Variants in TBC1D23 observed in about 807,000 individuals in gnomAD.
The protein encoded by TBC1D23 is TBC1 domain family member 23.
TBC1D23 carries 55 observed loss-of-function variants against 91.4 expected under a neutral mutation model. The ratio of observed to expected loss-of-function variants is 0.60; its 90% CI spans 0.48 to 0.75. The LOEUF is 0.75. Among genes scored for constraint, TBC1D23 ranks in the 30% least tolerant of loss-of-function variants. The pLI, the probability that TBC1D23 is intolerant of heterozygous loss-of-function variation, is 0.00. For synonymous variants in TBC1D23, 289 were observed against 281.0 expected, an observed-to-expected ratio of 1.03 and a Z score of -0.28; for missense variants, 725 against 836.1, an observed-to-expected ratio of 0.87 and a Z score of 1.64.
intron 2 of TBC1D23, among the ~76,000 whole-genome samples, chr3:100,280,356 G>C (rs2067684281): frequency 6.6e-6 from 1 of 152,170 alleles, no homozygotes; most frequent in Non-Finnish European, 1.5e-5. Context: ...AAAAAAGGAA[G>C]TATGCCTCTG....
Position 100,320,966 on chromosome 3 carries a change from C to T in TBC1D23, c.2013C>T (p.Ile671=), listed in dbSNP as rs111649998. Reference sequence around the variant, plus strand: ...CTTCAGGAATAGAAATCTTGGCAATCGAAAGGTAAGATTTTCCTTAAGATA... The same window carrying T: ...CTTCAGGAATAGAAATCTTGGCAATTGAAAGGTAAGATTTTCCTTAAGATA... ...SSASGIEILA[I]ERYLIPNAGD... is the part of the protein sequence containing the mutation. Residue 671 remains isoleucine (I), a synonymous_variant, in exon 18 of 19, where the codon ATC becomes ATT. Coordinates refer to ENST00000394144, the MANE Select transcript of TBC1D23 (RefSeq NM_001199198.3). The T allele has an allele frequency of 3.3e-5, 53 of 1,590,684 alleles. No homozygotes were observed. The highest frequency in any genetic ancestry group is 4.5e-5 in the Non-Finnish European group (53 of 1,170,350).
chr3:100,284,214 T>A (rs2067720988), intron 4 of TBC1D23, among the ~76,000 whole-genome samples: 1 of 152,178 alleles, frequency 6.6e-6, no homozygotes, highest in Non-Finnish European at 1.5e-5. Context: ...GAGGGGAAAT[T>A]GGGAATATGA....
At position 100,295,389 on chromosome 3, in the gene TBC1D23, TTATC is replaced by T. The variant is rs1408250747; in HGVS notation, c.772+43_772+46del. The T allele has an allele frequency of 2.6e-6, 4 of 1,519,740 alleles. No individual in the cohort carries two copies. The East Asian group carries it at 6.8e-5, about 26-fold the overall frequency. The allele number at this position is 1,519,740 out of a possible 1,614,324, so 94.1% of individuals were successfully genotyped here. Reference sequence around the variant, plus strand: ...TGTAGTGAAAACATTTCAGGTCTCTTTATCTGTGTAAGTTACTCAGTTTCCTCAT... The same window carrying T: ...TGTAGTGAAAACATTTCAGGTCTCTTTGTGTAAGTTACTCAGTTTCCTCAT... On this transcript the variant is annotated intron_variant, in intron 7 of 18. Coordinates refer to ENST00000394144, the MANE Select transcript of TBC1D23 (RefSeq NM_001199198.3).
intron 4 of TBC1D23, 87 bp downstream of exon 4, chr3:100,283,898 G>A (rs943174386): frequency 5.5e-5 from 40 of 721,664 alleles, no homozygotes; most frequent in East Asian, 5.1e-4. Context: ...TTACTTTGGC[G>A]GTAAAGTAAA....
chr3:100,261,805 G>T (rs890266499), intron 1 of TBC1D23, among the ~76,000 whole-genome samples: 4 of 152,148 alleles, frequency 2.6e-5, no homozygotes, highest in African/African-American at 9.7e-5. Flanking sequence ...CTTTGGGAAA[G>T]GCTTCTACTT....
In TBC1D23 at chr3:100,311,877, G is replaced by T; in HGVS notation, c.1598G>T (p.Arg533Leu). 1 of 1,532,670 alleles carries T rather than the reference G, an allele frequency of 6.5e-7. No homozygotes were observed. The highest frequency in any genetic ancestry group is 8.7e-7 in the Non-Finnish European group (1 of 1,143,492). 94.9% of individuals were successfully genotyped at this position (1,532,670 alleles called of 1,614,324 possible). ...TGGCCAGACAGATCATGTACAGAGC[G>T]GTAAGCCAATGAGTAGAGCATTTTT... ...LPWPDRSCTE[R>L]HVSSSDRVGK... Residue 533 changes from arginine (R) to leucine (L), a missense_variant and splice_region_variant, in exon 15 of 19, where the codon CGG becomes CTG. By Grantham distance (102) the Arg-to-Leu change is moderately radical. Transcript: ENST00000394144.
At chr3:100,319,284 CTTTA>C in intron 17 of TBC1D23, 80 bp downstream of exon 17, 2 of 1,145,416 alleles carry the variant, frequency 1.7e-6, no homozygotes, top group Non-Finnish European at 2.6e-6. Context: ...ACAGAAGAAC[CTTTA>C]TTTATCCTAG....
At chr3:100,294,834 C>CT (rs1178792373) in intron 5 of TBC1D23, among the ~76,000 whole-genome samples, 1 of 152,164 alleles carries the variant, frequency 6.6e-6, no homozygotes, top group African/African-American at 2.4e-5. Context: ...CATTATTCCT[C>CT]TTTTTTACAG....
At chr3:100,308,523 ATATGTAAATAAGAAAAG>A (rs1705559280) in intron 13 of TBC1D23, among the ~76,000 whole-genome samples, 1 of 152,218 alleles carries the variant, frequency 6.6e-6, no homozygotes, top group Non-Finnish European at 1.5e-5. Context: ...TTTTAGCATC[ATATGTAAATAAGAAAAG>A]TATAAAGAAA....
In TBC1D23 at chr3:100,302,528, T is replaced by G. The variant is rs150653478; in HGVS notation, c.1263+291T>G. Among the ~76,000 whole-genome samples, 819 of 152,328 alleles carry G rather than the reference T, an allele frequency of 5.4e-3. 3 individuals are homozygous for G. The highest frequency in any genetic ancestry group is 9.7e-3 in the Non-Finnish European group (662 of 68,014). On this transcript the variant is annotated intron_variant, in intron 11 of 18. Transcript: ENST00000394144. ...CCACCTTATTAATATACCGAGTTCCTCTATGCATCAAGATCTATTTCTGGA... is the reference window on the plus strand; with the variant it reads ...CCACCTTATTAATATACCGAGTTCCGCTATGCATCAAGATCTATTTCTGGA...
chr3:100,319,608 A>G (rs1705815306), intron 17 of TBC1D23, among the ~76,000 whole-genome samples: 1 of 151,892 alleles, frequency 6.6e-6, no homozygotes, highest in Non-Finnish European at 1.5e-5. Context: ...TTGTATTTTT[A>G]GTAGAGACGG....
chr3:100,322,769 C>CT (rs900270649), intron 18 of TBC1D23, among the ~76,000 whole-genome samples: 27 of 146,702 alleles, frequency 1.8e-4, no homozygotes, highest in South Asian at 6.5e-4. Context: ...GGATCAACAT[C>CT]TTTTTTTTTT....
At chr3:100,266,293 G>A (rs535187796) in intron 1 of TBC1D23, among the ~76,000 whole-genome samples, 8 of 150,154 alleles carry the variant, frequency 5.3e-5, no homozygotes, top group African/African-American at 9.8e-5. Context: ...TTTTTGAGAC[G>A]GAGTCTCATT....
At chr3:100,302,764 G>C (rs888181610) in intron 11 of TBC1D23, among the ~76,000 whole-genome samples, 1 of 151,960 alleles carries the variant, frequency 6.6e-6, no homozygotes, top group African/African-American at 2.4e-5. Flanking sequence ...TTTTGTATTT[G>C]TAGTAGAGAT....
chr3:100,261,216 C>G, intron 1 of TBC1D23, 145 bp downstream of exon 1: 2 of 727,730 alleles, frequency 2.7e-6, no homozygotes, highest in Non-Finnish European at 4.6e-6. Flanking sequence ...TACCCCTCTG[C>G]CAGCTGGGTG....
At chr3:100,267,158 A>T (rs2067564086) in intron 1 of TBC1D23, 2 of 386,018 alleles carry the variant, frequency 5.2e-6, no homozygotes, top group Non-Finnish European at 1.0e-5. Context: ...TGGAAATTAC[A>T]GGCTCTAACA....
intron 9 of TBC1D23, among the ~76,000 whole-genome samples, chr3:100,298,874 GATTT>G (rs1705357101): frequency 6.6e-6 from 1 of 152,058 alleles, no homozygotes. Context: ...TAAATTTGCA[GATTT>G]ATTTGCAAAA....
rs62636641 is a variant in TBC1D23, at chr3:100,283,758, A to T, written c.423A>T (p.Pro141=). Residue 141 remains proline (P), a synonymous_variant, in exon 4 of 19, where the codon CCA becomes CCT. Transcript: ENST00000394144. ...AACCATTGGTGCATCTTCAACTGCC[A>T]CGCAGCGATTTATACAACTGCTTTT... ...LLKPLVHLQL[P]RSDLYNCFYA... 4 of 1,613,642 alleles carry T rather than the reference A, an allele frequency of 2.5e-6. No homozygotes were observed. The South Asian group carries it at 4.4e-5, about 18-fold the overall frequency.
chr3:100,285,884 A>G (rs1192322246), intron 4 of TBC1D23, among the ~76,000 whole-genome samples: 1 of 148,936 alleles, frequency 6.7e-6, no homozygotes, highest in Non-Finnish European at 1.5e-5. Flanking sequence ...ATGACTCTTT[A>G]CCCAAAGTAC....
Sources: gnomAD v4.1 joint callset for allele counts (sites outside exome capture counted in the v4.1 genomes callset) on GRCh38, gnomAD v4.1.1 for gene constraint, MANE v1.5 for transcripts, NCBI Gene and HGNC (gene_info 2026-07-23, HGNC 2026-07-21) for gene names.